Variants in NSD3 observed in about 807,000 individuals in gnomAD.
NSD3 encodes the protein histone-lysine N-methyltransferase NSD3.
Under a neutral mutation model 160.8 loss-of-function variants are expected in NSD3, and 24 were observed. That is an observed-to-expected ratio of 0.15 (90% CI 0.11 to 0.21). The LOEUF (loss-of-function observed/expected upper bound fraction) is 0.21, where lower values mean the gene tolerates loss of function less well. Ranked by LOEUF, NSD3 falls within the 10% of genes least tolerant of loss-of-function variation. The probability of loss-of-function intolerance (pLI) is 1.00; values close to 1 mark genes in which losing one functional copy is unlikely to be tolerated. For missense variants in NSD3, 1,157 were observed against 1,735.9 expected, an observed-to-expected ratio of 0.67 and a Z score of 5.93; for synonymous variants, 520 against 600.0, an observed-to-expected ratio of 0.87 and a Z score of 1.95.
chr8:38,287,655 A>G (rs1441420247), intron 19 of NSD3, among the ~76,000 whole-genome samples: 1 of 141,158 alleles, frequency 7.1e-6, no homozygotes, highest in Non-Finnish European at 1.6e-5. Flanking sequence ...TACAAACCTG[A>G]TTTTTTTTTT....
intron 7 of NSD3, among the ~76,000 whole-genome samples, chr8:38,323,041 A>AG (rs1055856802): frequency 3.9e-5 from 6 of 152,222 alleles, no homozygotes; most frequent in East Asian, 1.9e-4. Context: ...CCCTAAATTA[A>AG]GTTTTTTTTC....
Position 38,288,028 on chromosome 8 carries a change from G to A in NSD3, c.3501+459C>T, listed in dbSNP as rs1444282291. Among the ~76,000 whole-genome samples the A allele has an allele frequency of 6.6e-6, 1 of 152,010 alleles. No individual in the cohort carries two copies. Among genetic ancestry groups the A allele is most frequent in the Non-Finnish European group, 1.5e-5 (1 of 68,004 alleles). On this transcript the variant is annotated intron_variant, in intron 19 of 23. Coordinates refer to ENST00000317025, the MANE Select transcript of NSD3 (RefSeq NM_023034.2). The surrounding 1 kb of genome is among the most constrained non-coding windows in gnomAD (Gnocchi z 4.5). ...GCAGGAGAATTGCTTGAGTCCAGGA[G>A]TTTGAGACCAGCCTGGGCAATGTAG... is the stretch of plus-strand genomic sequence containing the variant.
chr8:38,296,227 T>A (rs1167042997), intron 15 of NSD3, among the ~76,000 whole-genome samples: 3 of 152,198 alleles, frequency 2.0e-5, no homozygotes, highest in African/African-American at 7.2e-5. Flanking sequence ...TACTGAGGTA[T>A]CAGTTTAGAA....
At chr8:38,350,556 G>A (rs1354117213) in intron 1 of NSD3, among the ~76,000 whole-genome samples, 4 of 151,824 alleles carry the variant, frequency 2.6e-5, no homozygotes, top group African/African-American at 7.3e-5. Context: ...AAATATGTTT[G>A]ACTTTTTTGC....
Position 38,347,530 on chromosome 8 carries a change from G to A in NSD3, c.642C>T (p.His214=), listed in dbSNP as rs1279537779. 9.5e-6 allele frequency: 15 copies of A among 1,585,738 alleles called. No homozygotes were observed. The African/African-American group carries it at 1.4e-4, about 14-fold the overall frequency. Residue 214 remains histidine, a synonymous_variant, in exon 2 of 24, where the codon CAC becomes CAT. Coordinates refer to ENST00000317025, the MANE Select transcript of NSD3 (RefSeq NM_023034.2). ...DSSRSEERKS[H]KIPKLEPEEQ... is the part of the protein sequence containing the mutation. Reference sequence around the variant, plus strand: ...CCTCTGGTTCTAATTTGGGGATTTTGTGTGACTTGCGCTCTTCAGATCTTG... The same window carrying A: ...CCTCTGGTTCTAATTTGGGGATTTTATGTGACTTGCGCTCTTCAGATCTTG...
intron 1 of NSD3, among the ~76,000 whole-genome samples, chr8:38,372,480 T>G (rs965239423): frequency 9.2e-5 from 14 of 151,640 alleles, no homozygotes; most frequent in African/African-American, 3.1e-4. Context: ...CGCATGCTTA[T>G]GAATTCTTCA....
intron 6 of NSD3, among the ~76,000 whole-genome samples, chr8:38,327,275 C>T (rs1327347877): frequency 2.0e-5 from 3 of 151,812 alleles, no homozygotes; most frequent in East Asian, 3.9e-4. Flanking sequence ...AGGCTGGTCT[C>T]GAACTCTTGA....
chr8:38,293,177 G>A (rs1809048258), intron 16 of NSD3, among the ~76,000 whole-genome samples: 1 of 151,628 alleles, frequency 6.6e-6, no homozygotes, highest in Admixed American at 6.6e-5. Flanking sequence ...AGTGGGGGGA[G>A]GTTTGATTTC....
Position 38,288,852 on chromosome 8 carries a change from G to A in NSD3, c.3232-96C>T, listed in dbSNP as rs1808929179. 6.9e-7 allele frequency: 1 copy of A among 1,455,676 alleles called. No individual in the cohort carries two copies. Among genetic ancestry groups the A allele is most frequent in the South Asian group, 1.3e-5 (1 of 75,162 alleles). 90.2% of individuals were successfully genotyped at this position (1,455,676 alleles called of 1,614,324 possible). On this transcript the variant is annotated intron_variant, in intron 18 of 23. Transcript: ENST00000317025. The surrounding 1 kb of genome is among the most constrained non-coding windows in gnomAD (Gnocchi z 4.5). ...AAAACATCCACGCTACTGCCTCGTGGTGCTACTCCGAGAAAGGTTGTCTTT... is the reference window on the plus strand; with the variant it reads ...AAAACATCCACGCTACTGCCTCGTGATGCTACTCCGAGAAAGGTTGTCTTT...
At chr8:38,376,987 C>A (rs1319342264) in intron 1 of NSD3, among the ~76,000 whole-genome samples, 4 of 152,096 alleles carry the variant, frequency 2.6e-5, no homozygotes, top group Non-Finnish European at 5.9e-5. Flanking sequence ...CAATGAAATA[C>A]TTACAAGACT....
intron 1 of NSD3, among the ~76,000 whole-genome samples, chr8:38,377,933 AAAAC>A (rs1254116778): frequency 6.6e-6 from 1 of 152,124 alleles, no homozygotes; most frequent in Non-Finnish European, 1.5e-5. Context: ...ACTATCTCAA[AAAAC>A]AAACAAAAAA....
intron 16 of NSD3, among the ~76,000 whole-genome samples, chr8:38,294,865 C>T (rs1391588744): frequency 6.6e-6 from 1 of 151,134 alleles, no homozygotes; most frequent in African/African-American, 2.4e-5. Flanking sequence ...TTTTTTTGGC[C>T]GGGCGTGGTG....
At chr8:38,375,018 A>AAAAT (rs1235458499) in intron 1 of NSD3, among the ~76,000 whole-genome samples, 1 of 152,122 alleles carries the variant, frequency 6.6e-6, no homozygotes, top group African/African-American at 2.4e-5. Flanking sequence ...AAAAAATTTA[A>AAAAT]AAATAAATAA....
In NSD3 at chr8:38,316,299, G is replaced by T; in HGVS notation, c.1856-257C>A. 1.0e-6 allele frequency: 1 copy of T among 967,702 alleles called. No homozygotes were observed. Among genetic ancestry groups the T allele is most frequent in the Non-Finnish European group, 1.3e-6 (1 of 759,912 alleles). 59.9% of individuals were successfully genotyped at this position (967,702 alleles called of 1,614,324 possible). A position where few individuals can be genotyped will look rare whatever the true frequency, so the allele number is the denominator to read the frequency against. On this transcript the variant is annotated intron_variant, in intron 9 of 23. Transcript: ENST00000317025. This position sits in a 1 kb window ranked among gnomAD's most constrained non-coding sequence, Gnocchi z 4.5. ...TCTAAAGCTATTTTCAGTCAACAGAGCCCACGTTCCAACCTAAAAATCAAT... is the reference window on the plus strand; with the variant it reads ...TCTAAAGCTATTTTCAGTCAACAGATCCCACGTTCCAACCTAAAAATCAAT...
rs1388292926 is a variant in NSD3, at chr8:38,272,396, A to G, written c.*3245T>C. On this transcript the variant is annotated 3_prime_UTR_variant, in exon 24 of 24. Transcript: ENST00000317025. The stretch of plus-strand genomic sequence containing the variant: ...CACTCCTGTATCTCTCCCTGATTAG[A>G]CATTAAAGAGGTGAATCACTGCCTC... 4 of 152,216 alleles carry G rather than the reference A, an allele frequency of 2.6e-5. No homozygotes were observed. The highest frequency in any genetic ancestry group is 5.9e-5 in the Non-Finnish European group (4 of 68,040). 9.4% of individuals were successfully genotyped at this position (152,216 alleles called of 1,614,324 possible).
chr8:38,341,322 G>A (rs1220220054), intron 2 of NSD3, among the ~76,000 whole-genome samples: 4 of 152,192 alleles, frequency 2.6e-5, no homozygotes, highest in South Asian at 2.1e-4. Context: ...GGTAAATCAC[G>A]TGGTCAGGAG....
chr8:38,277,793 A>C (rs551776137), intron 22 of NSD3, among the ~76,000 whole-genome samples: 14 of 152,316 alleles, frequency 9.2e-5, no homozygotes, highest in Non-Finnish European at 1.6e-4. Context: ...ATACATTCTC[A>C]GAACCTAACA....
chr8:38,367,992 T>C (rs2150393750), intron 1 of NSD3, among the ~76,000 whole-genome samples: 1 of 152,330 alleles, frequency 6.6e-6, no homozygotes, highest in Middle Eastern at 3.4e-3. Flanking sequence ...ATATCTTTTT[T>C]TTTTGAGACA....
At chr8:38,287,756 G>C (rs909469281) in intron 19 of NSD3, among the ~76,000 whole-genome samples, 5 of 151,690 alleles carry the variant, frequency 3.3e-5, no homozygotes, top group Non-Finnish European at 7.4e-5. Context: ...GGGTTCAAGT[G>C]ATTCTCCTGC....
Sources: allele counts gnomAD v4.1 joint callset (sites outside exome capture counted in the v4.1 genomes callset), GRCh38; gene constraint gnomAD v4.1.1; non-coding constraint Gnocchi (gnomAD v3.1); transcripts MANE v1.5; gene names NCBI Gene and HGNC (gene_info 2026-07-23, HGNC 2026-07-21).